AFF2: variants seen among roughly 807,000 people sequenced by gnomAD.
AFF2 encodes the protein AF4/FMR2 family member 2.
Under a neutral mutation model 76.9 loss-of-function variants are expected in AFF2, and 14 were observed. The ratio of observed to expected loss-of-function variants is 0.18; its 90% CI spans 0.12 to 0.28. The LOEUF (loss-of-function observed/expected upper bound fraction) is 0.28. AFF2 is among the 10% of genes least tolerant of loss of function. AFF2 has a pLI of 1.00. For synonymous variants in AFF2, 398 were observed against 366.7 expected, an observed-to-expected ratio of 1.09 and a Z score of -0.98; for missense variants, 868 against 1,001.1, an observed-to-expected ratio of 0.87 and a Z score of 1.79.
chrX:148,515,622 C>A lies in AFF2; in HGVS notation c.47+14478C>A, dbSNP rs906413345. On this transcript the variant is annotated intron_variant, in intron 1 of 20. Transcript: ENST00000370460. ...GTTGTAAAAATCATAAAAGCTATAA[C>A]GATATAAAAAGAAATGTGATCAATT... Among the ~76,000 whole-genome samples the A allele has an allele frequency of 5.4e-5, 6 of 111,651 alleles. No homozygotes were observed. In the South Asian group the frequency reaches 1.8e-3, roughly 34 times the overall value.
intron 1 of AFF2, among the ~76,000 whole-genome samples, chrX:148,524,053 G>A (rs1403229890): frequency 1.9e-5 from 2 of 106,185 alleles, no homozygotes; most frequent in African/African-American, 6.9e-5. Flanking sequence ...TTAGCACTTC[G>A]GTACTGATGT....
chrX:148,717,196 A>G (rs1224627102), intron 3 of AFF2, among the ~76,000 whole-genome samples: 2 of 112,137 alleles, frequency 1.8e-5, no homozygotes, highest in African/African-American at 6.5e-5. Flanking sequence ...TACACAAAAT[A>G]TGGTCTATCC....
At chrX:148,684,343 C>T (rs181900249) in intron 3 of AFF2, among the ~76,000 whole-genome samples, 151 of 112,155 alleles carry the variant, frequency 1.3e-3, no homozygotes, top group African/African-American at 4.8e-3. Context: ...CAATGTCCAG[C>T]AGTGATAATT....
chrX:148,605,153 A>G (rs2053661426), intron 1 of AFF2, among the ~76,000 whole-genome samples: 1 of 111,844 alleles, frequency 8.9e-6, no homozygotes, highest in African/African-American at 3.2e-5. Context: ...TTATGAATGA[A>G]CTACTTCACA....
intron 1 of AFF2, among the ~76,000 whole-genome samples, chrX:148,615,428 G>C (rs1418928822): frequency 8.9e-6 from 1 of 111,947 alleles, no homozygotes; most frequent in East Asian, 2.8e-4. Context: ...AACCATTATC[G>C]TGGCTCTGCA....
At chrX:148,505,955 C>CTGTGTGTGTGTGTGTGTG (rs3838386) in intron 1 of AFF2, among the ~76,000 whole-genome samples, 2 of 102,422 alleles carry the variant, frequency 2.0e-5, no homozygotes, top group African/African-American at 7.1e-5. Flanking sequence ...GTGTGTGTGT[C>CTGTGTGTGTGTGTGTGTG]TGTGTGTGTG....
intron 3 of AFF2, among the ~76,000 whole-genome samples, chrX:148,808,617 C>G (rs1337051952): frequency 8.9e-6 from 1 of 111,878 alleles, no homozygotes; most frequent in African/African-American, 3.3e-5. Flanking sequence ...TAACCTGGGG[C>G]TATACTGGGC....
intron 3 of AFF2, among the ~76,000 whole-genome samples, chrX:148,776,087 C>A (rs1193634186): frequency 9.0e-6 from 1 of 110,990 alleles, no homozygotes; most frequent in Non-Finnish European, 1.9e-5. Flanking sequence ...TCAACTCCCA[C>A]TTATGAGTGA....
rs782807242 is a variant in AFF2, at chrX:148,997,889, G to A, written c.*6557G>A. On this transcript the variant is annotated 3_prime_UTR_variant, in exon 21 of 21. Transcript: ENST00000370460. ...ACAAATGAGATTGATTCCATCTCAAGACAATTTGTCAAATACTTAATTTTC... is the reference window on the plus strand; with the variant it reads ...ACAAATGAGATTGATTCCATCTCAAAACAATTTGTCAAATACTTAATTTTC... 3.6e-5 allele frequency: 4 copies of A among 112,121 alleles called. No individual in the cohort carries two copies. Among genetic ancestry groups the A allele is most frequent in the Non-Finnish European group, 7.5e-5 (4 of 53,223 alleles). 9.2% of individuals were successfully genotyped at this position (112,121 alleles called of 1,213,427 possible). A position where few individuals can be genotyped will look rare whatever the true frequency, so the allele number is the denominator to read the frequency against.
intron 3 of AFF2, among the ~76,000 whole-genome samples, chrX:148,804,241 G>C (rs1007515130): frequency 2.7e-5 from 3 of 111,729 alleles, no homozygotes; most frequent in African/African-American, 9.8e-5. Flanking sequence ...GGGATACAGA[G>C]GCTCAAACAA....
rs571535256 is a variant in AFF2, at chrX:148,837,238, G to A, written c.1087-409G>A. ...TTCCCAATAAATGAATGAACAAGCT[G>A]AGAATGTCTCAGCCTGGAGAAGAGA... On this transcript the variant is annotated intron_variant, in intron 4 of 20. Coordinates refer to ENST00000370460, the MANE Select transcript of AFF2 (RefSeq NM_002025.4). 7.1e-5 allele frequency among the ~76,000 whole-genome samples: 8 copies of A among 112,181 alleles called. No individual in the cohort carries two copies. The East Asian group carries it at 2.3e-3, about 32-fold the overall frequency.
intron 9 of AFF2, among the ~76,000 whole-genome samples, chrX:148,922,523 T>G (rs2071607137): frequency 8.9e-6 from 1 of 112,250 alleles, no homozygotes; most frequent in Admixed American, 9.4e-5. Flanking sequence ...CACCATTTGG[T>G]CTTCATGGAA....
intron 1 of AFF2, among the ~76,000 whole-genome samples, chrX:148,631,190 A>G (rs142718730): frequency 4.7e-4 from 53 of 111,780 alleles, no homozygotes; most frequent in African/African-American, 1.7e-3. Context: ...TTGTCTAAAG[A>G]CTCAATACCA....
chrX:148,801,519 C>A (rs2070058765), intron 3 of AFF2, among the ~76,000 whole-genome samples: 1 of 111,677 alleles, frequency 9.0e-6, no homozygotes, highest in South Asian at 3.8e-4. Flanking sequence ...TCCAACCCAG[C>A]TGCTTATGTA....
intron 3 of AFF2, among the ~76,000 whole-genome samples, chrX:148,733,674 T>C (rs781812415): frequency 4.4e-5 from 5 of 112,425 alleles, no homozygotes; most frequent in Non-Finnish European, 9.4e-5. Flanking sequence ...TTGTACGTTT[T>C]ACTTTTTTTC....
At chrX:148,843,858 A>G (rs1315775985) in intron 7 of AFF2, among the ~76,000 whole-genome samples, 1 of 111,132 alleles carries the variant, frequency 9.0e-6, no homozygotes, top group Non-Finnish European at 1.9e-5. Flanking sequence ...CTCAACTCTC[A>G]TGTCATGATC....
intron 3 of AFF2, among the ~76,000 whole-genome samples, chrX:148,685,661 C>T (rs1334061917): frequency 3.6e-5 from 4 of 110,788 alleles, no homozygotes; most frequent in Admixed American, 2.9e-4. Flanking sequence ...TAGATAGGAA[C>T]CATTTAGGAG....
At chrX:148,889,775 C>G (rs1377459669) in intron 8 of AFF2, among the ~76,000 whole-genome samples, 1 of 111,431 alleles carries the variant, frequency 9.0e-6, no homozygotes, top group Non-Finnish European at 1.9e-5. Flanking sequence ...GCTTTGAATT[C>G]TAGCTCTGCC....
At chrX:148,649,262 A>G (rs1326686971) in intron 1 of AFF2, among the ~76,000 whole-genome samples, 2 of 112,096 alleles carry the variant, frequency 1.8e-5, no homozygotes, top group Admixed American at 1.9e-4. Flanking sequence ...GAGGCTAAAT[A>G]CATAGCTGTG....
Sources: gnomAD v4.1 joint callset for allele counts (sites outside exome capture counted in the v4.1 genomes callset) on GRCh38, gnomAD v4.1.1 for gene constraint, MANE v1.5 for transcripts, NCBI Gene and HGNC (gene_info 2026-07-23, HGNC 2026-07-21) for gene names.